Variants in METTL15 observed in about 807,000 individuals in gnomAD.
The protein encoded by METTL15 is 12S rRNA N(4)-cytidine methyltransferase METTL15.
Under a neutral mutation model 38.3 loss-of-function variants are expected in METTL15, and 34 were observed. The observed-to-expected ratio is 0.89, with a 90% confidence interval of 0.68 to 1.18. The LOEUF is 1.18. Among genes scored for constraint, METTL15 ranks in the 50% most tolerant of loss-of-function variants. The pLI, the probability that METTL15 is intolerant of heterozygous loss-of-function variation, is 0.00. For missense variants in METTL15, 438 were observed against 498.4 expected (o/e 0.88, Z 1.15); for synonymous variants, 162 against 170.9 (o/e 0.95, Z 0.41).
intron 4 of METTL15, among the ~76,000 whole-genome samples, chr11:28,267,056 A>G (rs1464217907): frequency 6.7e-6 from 1 of 149,754 alleles, no homozygotes; most frequent in Admixed American, 6.7e-5. Flanking sequence ...GCTACTCAGG[A>G]GGCTGACACA....
intron 3 of METTL15, among the ~76,000 whole-genome samples, chr11:28,150,652 T>A (rs1326879098): frequency 6.6e-6 from 1 of 151,870 alleles, no homozygotes; most frequent in Admixed American, 6.6e-5. Context: ...CCCCTAAAAT[T>A]TATATAATTT....
chr11:28,221,902 G>A (rs539484051), intron 4 of METTL15, among the ~76,000 whole-genome samples: 4 of 152,250 alleles, frequency 2.6e-5, no homozygotes, highest in African/African-American at 7.2e-5. Context: ...CTGCCTGATC[G>A]TTCCTCTGGA....
chr11:28,140,848 G>A (rs906844373), intron 3 of METTL15, among the ~76,000 whole-genome samples: 10 of 152,178 alleles, frequency 6.6e-5, no homozygotes, highest in Non-Finnish European at 1.0e-4. Flanking sequence ...CTGTGGGCGT[G>A]TGGGCACTTA....
intron 5 of METTL15, among the ~76,000 whole-genome samples, chr11:28,364,273 G>A (rs1002111565): frequency 2.0e-5 from 3 of 152,186 alleles, no homozygotes; most frequent in Non-Finnish European, 2.9e-5. Flanking sequence ...ACTTTGGACA[G>A]TGTGGCCATT....
In METTL15 at chr11:28,153,525, G is replaced by A. The variant is rs749644659; in HGVS notation, c.270+39921G>A. On this transcript the variant is annotated intron_variant, in intron 3 of 6. Transcript: ENST00000407364. The stretch of plus-strand genomic sequence containing the variant: ...ATTCTAATGTGTGATTTACACAGTT[G>A]GGATTGGATAAATGGAGAGAGAGTG... Among the ~76,000 whole-genome samples the A allele has an allele frequency of 2.6e-5, 4 of 152,192 alleles. No individual in the cohort carries two copies. The South Asian group carries it at 6.2e-4, about 24-fold the overall frequency.
intron 6 of METTL15, among the ~76,000 whole-genome samples, chr11:28,498,950 G>A (rs1851558494): frequency 6.6e-6 from 1 of 152,212 alleles, no homozygotes; most frequent in South Asian, 2.1e-4. Flanking sequence ...CAGAGTGGTA[G>A]AAAAGCAGGG....
At chr11:28,197,856 A>G (rs1037830825) in intron 3 of METTL15, among the ~76,000 whole-genome samples, 1 of 152,080 alleles carries the variant, frequency 6.6e-6, no homozygotes, top group Non-Finnish European at 1.5e-5. Context: ...TAATTTAATT[A>G]TTGCTTATGA....
At chr11:28,337,348 T>C (rs999921708), downstream of METTL15, among the ~76,000 whole-genome samples, 3 of 152,066 alleles carry the variant, frequency 2.0e-5, no homozygotes, top group Admixed American at 6.6e-5. Context: ...GTTGCAGTCT[T>C]GAACTCCTGA....
At chr11:28,490,444 A>G (rs1347021062) in intron 6 of METTL15, among the ~76,000 whole-genome samples, 2 of 152,148 alleles carry the variant, frequency 1.3e-5, no homozygotes, top group Non-Finnish European at 2.9e-5. Flanking sequence ...TTGCAAGAAT[A>G]ATATAAAGCT....
intron 4 of METTL15, among the ~76,000 whole-genome samples, chr11:28,215,035 T>C (rs1451757864): frequency 6.6e-6 from 1 of 152,170 alleles, no homozygotes; most frequent in African/African-American, 2.4e-5. Context: ...GATGCAAAGA[T>C]ATAGAGAGAA....
At chr11:28,244,649 C>G (rs187880729) in intron 4 of METTL15, among the ~76,000 whole-genome samples, 1 of 152,262 alleles carries the variant, frequency 6.6e-6, no homozygotes. Flanking sequence ...ATTATCCAAA[C>G]CTTATACTTG....
At chr11:28,166,570 G>C (rs948800817) in intron 3 of METTL15, among the ~76,000 whole-genome samples, 3 of 152,098 alleles carry the variant, frequency 2.0e-5, no homozygotes, top group African/African-American at 7.2e-5. Flanking sequence ...GAGAACTTAC[G>C]TTCTGGTTCA....
At chr11:28,236,833 T>A (rs1002647817) in intron 4 of METTL15, among the ~76,000 whole-genome samples, 2 of 152,152 alleles carry the variant, frequency 1.3e-5, no homozygotes, top group Non-Finnish European at 2.9e-5. Context: ...CTTGTCTGTA[T>A]AGTATTTTAT....
chr11:28,380,563 T>C (rs1267196779), intron 5 of METTL15, among the ~76,000 whole-genome samples: 2 of 152,216 alleles, frequency 1.3e-5, no homozygotes, highest in Non-Finnish European at 2.9e-5. Flanking sequence ...TTTCTTACTG[T>C]CTTCATTTGT....
intron 6 of METTL15, among the ~76,000 whole-genome samples, chr11:28,321,614 A>T (rs957656716): frequency 2.6e-5 from 4 of 152,154 alleles, no homozygotes; most frequent in African/African-American, 9.6e-5. Flanking sequence ...ATAAATTTAC[A>T]CATTTACTAT....
At chr11:28,328,599 C>G (rs895414944) in intron 6 of METTL15, among the ~76,000 whole-genome samples, 1 of 152,040 alleles carries the variant, frequency 6.6e-6, no homozygotes, top group Non-Finnish European at 1.5e-5. Flanking sequence ...GGATAATACT[C>G]TTCAGGAGCA....
At chr11:28,336,258 T>G (rs1043605651), downstream of METTL15, among the ~76,000 whole-genome samples, 1 of 152,152 alleles carries the variant, frequency 6.6e-6, no homozygotes. Flanking sequence ...AAAGATGGGA[T>G]AAGAGGAGCC....
intron 3 of METTL15, among the ~76,000 whole-genome samples, chr11:28,141,625 C>T (rs2133661523): frequency 6.6e-6 from 1 of 152,148 alleles, no homozygotes; most frequent in East Asian, 1.9e-4. Flanking sequence ...GATGTCAAGG[C>T]TGCAGTGAAC....
chr11:28,282,965 A>C (rs2133976174), intron 4 of METTL15, among the ~76,000 whole-genome samples: 1 of 152,304 alleles, frequency 6.6e-6, no homozygotes, highest in South Asian at 2.1e-4. Context: ...CATCATTATT[A>C]ATCATTTTCA....
Sources: allele counts gnomAD v4.1 joint callset (sites outside exome capture counted in the v4.1 genomes callset), GRCh38; gene constraint gnomAD v4.1.1; transcripts MANE v1.5; gene names NCBI Gene and HGNC (gene_info 2026-07-23, HGNC 2026-07-21).